Variants in PTPRD observed in about 807,000 individuals in gnomAD.
The protein encoded by PTPRD is receptor-type tyrosine-protein phosphatase delta.
Under a neutral mutation model 214.5 loss-of-function variants are expected in PTPRD, and 34 were observed. The ratio of observed to expected loss-of-function variants is 0.16; its 90% CI spans 0.12 to 0.21. The LOEUF is 0.21. Among genes scored for constraint, PTPRD ranks in the 10% least tolerant of loss-of-function variants. The probability of loss-of-function intolerance (pLI) is 1.00; values close to 1 mark genes in which losing one functional copy is unlikely to be tolerated. For synonymous variants in PTPRD, 1,128 were observed against 845.7 expected (o/e 1.33, Z -5.79); for missense variants, 2,545 against 2,398.7 (o/e 1.06, Z -1.27).
intron 3 of PTPRD, among the ~76,000 whole-genome samples, chr9:10,248,446 T>C (rs961532269): frequency 2.0e-5 from 3 of 147,362 alleles, no homozygotes; most frequent in Non-Finnish European, 4.4e-5. Context: ...AAACAAGAAA[T>C]GTTACTTTTC....
chr9:9,708,997 G>A (rs1402386387), intron 7 of PTPRD, among the ~76,000 whole-genome samples: 2 of 151,812 alleles, frequency 1.3e-5, no homozygotes, highest in African/African-American at 4.8e-5. Context: ...AGCTTCTTGA[G>A]GACAATAATT....
intron 3 of PTPRD, among the ~76,000 whole-genome samples, chr9:10,245,325 T>G (rs1246875502): frequency 6.6e-6 from 1 of 152,208 alleles, no homozygotes. Context: ...TAAAGCCATA[T>G]AGTGCGTAGG....
chr9:10,275,787 T>G (rs781028199), intron 3 of PTPRD, among the ~76,000 whole-genome samples: 3 of 152,060 alleles, frequency 2.0e-5, no homozygotes, highest in Non-Finnish European at 4.4e-5. Flanking sequence ...AGGCAGGAAA[T>G]GGTGGAGCCA....
At chr9:9,116,513 A>G (rs1401743742) in intron 10 of PTPRD, among the ~76,000 whole-genome samples, 3 of 152,104 alleles carry the variant, frequency 2.0e-5, no homozygotes, top group African/African-American at 7.2e-5. Flanking sequence ...CCTACTGATT[A>G]TGATGTACAC....
At chr9:8,338,245 G>C (rs1045090208) in intron 43 of PTPRD, among the ~76,000 whole-genome samples, 2 of 152,110 alleles carry the variant, frequency 1.3e-5, no homozygotes, top group African/African-American at 4.8e-5. Flanking sequence ...ATCATGGGTT[G>C]AAAGTGGCCA....
chr9:9,779,702 A>T (rs1036072374), intron 5 of PTPRD, among the ~76,000 whole-genome samples: 14 of 152,220 alleles, frequency 9.2e-5, no homozygotes, highest in Non-Finnish European at 2.1e-4. Context: ...AAGTCAATAA[A>T]CAACAGCTGG....
At chr9:8,996,688 G>C (rs937584874) in intron 11 of PTPRD, among the ~76,000 whole-genome samples, 37 of 152,044 alleles carry the variant, frequency 2.4e-4, no homozygotes, top group Admixed American at 2.0e-4. Context: ...TCCTCACATG[G>C]CAGAAGGGGT....
intron 39 of PTPRD, among the ~76,000 whole-genome samples, chr9:8,354,068 A>G (rs1464004706): frequency 1.3e-5 from 2 of 149,414 alleles, no homozygotes; most frequent in African/African-American, 4.9e-5. Context: ...AAGCAATCAT[A>G]TTTTTTAAAT....
chr9:10,266,996 C>A (rs2094110705), intron 3 of PTPRD, among the ~76,000 whole-genome samples: 1 of 151,862 alleles, frequency 6.6e-6, no homozygotes, highest in Admixed American at 6.6e-5. Context: ...CGAGACCAGC[C>A]TGGCTAACAT....
chr9:9,534,072 C>T (rs1311031233), intron 8 of PTPRD, among the ~76,000 whole-genome samples: 3 of 151,852 alleles, frequency 2.0e-5, no homozygotes, highest in South Asian at 2.1e-4. Context: ...ATAGCTTAAG[C>T]CAGCAGGATA....
chr9:9,192,754 G>T (rs1593265164), intron 9 of PTPRD, among the ~76,000 whole-genome samples: 1 of 151,896 alleles, frequency 6.6e-6, no homozygotes, highest in East Asian at 1.9e-4. Flanking sequence ...ATACAGATTT[G>T]GGAAAACTAA....
Position 9,509,262 on chromosome 9 carries a change from A to G in PTPRD, c.-237+65470T>C, listed in dbSNP as rs77280702. 9.9e-3 allele frequency among the ~76,000 whole-genome samples: 1,498 copies of G among 151,726 alleles called. 16 individuals carry two copies. Among genetic ancestry groups the G allele is most frequent in the African/African-American group, 0.034 (1,404 of 41,444 alleles). On this transcript the variant is annotated intron_variant, in intron 8 of 45. Transcript: ENST00000381196. ...AAACCCATGTAATTTCTGCACACTA[A>G]AGGTCATTTTTGGTAACGGAAACTG...
At chr9:8,485,163 T>C (rs917166901) in intron 29 of PTPRD, 64 bp downstream of exon 29, 3 of 1,389,690 alleles carry the variant, frequency 2.2e-6, no homozygotes, top group African/African-American at 1.4e-5. Context: ...GCAAATAACT[T>C]ACCCAGATAA....
chr9:8,493,113 T>C (rs367624617), intron 26 of PTPRD, 134 bp from the exon 27 acceptor site: 3 of 688,394 alleles, frequency 4.4e-6, no homozygotes, highest in Admixed American at 4.6e-5. Flanking sequence ...GGAAATTTCA[T>C]GCCTGAGCTC....
At chr9:9,666,565 T>C (rs1428120303) in intron 7 of PTPRD, among the ~76,000 whole-genome samples, 1 of 151,978 alleles carries the variant, frequency 6.6e-6, no homozygotes, top group African/African-American at 2.4e-5. Context: ...ACAATAATCA[T>C]CATCATGGCA....
At chr9:9,221,478 T>G (rs1477711791) in intron 9 of PTPRD, among the ~76,000 whole-genome samples, 2 of 152,038 alleles carry the variant, frequency 1.3e-5, no homozygotes, top group Non-Finnish European at 2.9e-5. Context: ...TTACCTCACA[T>G]GTCTGGAGGC....
chr9:9,381,214 T>C (rs1343910785), intron 9 of PTPRD, among the ~76,000 whole-genome samples: 1 of 152,124 alleles, frequency 6.6e-6, no homozygotes, highest in African/African-American at 2.4e-5. Context: ...GTTTTAATAC[T>C]ATTAAATTTG....
At chr9:9,428,330 G>T (rs1209003346) in intron 8 of PTPRD, among the ~76,000 whole-genome samples, 1 of 152,064 alleles carries the variant, frequency 6.6e-6, no homozygotes, top group Non-Finnish European at 1.5e-5. Flanking sequence ...ATTACATAAT[G>T]GTAAAGGGAT....
intron 9 of PTPRD, among the ~76,000 whole-genome samples, chr9:9,201,956 A>G (rs1005166528): frequency 6.6e-6 from 1 of 152,332 alleles, no homozygotes; most frequent in Non-Finnish European, 1.5e-5. Context: ...ACTAATAACT[A>G]TTTTAGAAAG....
Sources: allele counts gnomAD v4.1 joint callset (sites outside exome capture counted in the v4.1 genomes callset), GRCh38; gene constraint gnomAD v4.1.1; transcripts MANE v1.5; gene names NCBI Gene and HGNC (gene_info 2026-07-23, HGNC 2026-07-21).